Variants in INVS observed in about 807,000 individuals in gnomAD.
The protein encoded by INVS is inversion of embryo turning homolog.
In INVS, 86 loss-of-function variants were observed where a neutral mutation model predicts 108.8. The observed-to-expected ratio is 0.79, with a 90% CI of 0.66 to 0.95. The LOEUF is 0.95. Among genes scored for constraint, INVS ranks in the 40% least tolerant of loss-of-function variants. The pLI is 0.00. For synonymous variants in INVS, 455 were observed against 473.5 expected (o/e 0.96, Z 0.51); for missense variants, 1,169 against 1,297.4 (o/e 0.90, Z 1.52).
At chr9:100,253,345 T>C (rs1279525466) in intron 10 of INVS, among the ~76,000 whole-genome samples, 1 of 152,122 alleles carries the variant, frequency 6.6e-6, no homozygotes, top group Non-Finnish European at 1.5e-5. Context: ...CTGGGAATAA[T>C]TTTATAACTT....
chr9:100,293,419 A>G (rs1319692743), intron 14 of INVS, among the ~76,000 whole-genome samples: 2 of 152,212 alleles, frequency 1.3e-5, no homozygotes, highest in African/African-American at 4.8e-5. Flanking sequence ...ATTGTTGCAC[A>G]TGTCCTGTTA....
rs1409908327 is a variant in INVS, at chr9:100,191,441, A to G, written c.274-34621A>G. ...CAAAAGCTTTGTCTCCAAGCTCTGA[A>G]ATTTTTCTTCTACTAGTTCTAGTCT... On this transcript the variant is annotated intron_variant, in intron 3 of 16. Transcript: ENST00000262457. 2.6e-5 allele frequency among the ~76,000 whole-genome samples: 4 copies of G among 152,200 alleles called. No homozygotes were observed. The East Asian group carries it at 5.8e-4, about 22-fold the overall frequency.
At chr9:100,192,248 A>AGAGTGTGT (rs148598380) in intron 3 of INVS, among the ~76,000 whole-genome samples, 3 of 144,916 alleles carry the variant, frequency 2.1e-5, no homozygotes, top group African/African-American at 7.7e-5. Flanking sequence ...GGGAAAAAAG[A>AGAGTGTGT]GTGTGTGTGT....
At chr9:100,300,260 T>A (rs1280492234) in intron 16 of INVS, among the ~76,000 whole-genome samples, 1 of 152,196 alleles carries the variant, frequency 6.6e-6, no homozygotes, top group Non-Finnish European at 1.5e-5. Flanking sequence ...TTATGTAATG[T>A]GTTATGTGAG....
chr9:100,283,044 C>A (rs767620148), intron 12 of INVS, among the ~76,000 whole-genome samples: 2 of 152,200 alleles, frequency 1.3e-5, no homozygotes, highest in Admixed American at 6.5e-5. Flanking sequence ...CGCGGTGGCT[C>A]ACGCCTATAA....
chr9:100,235,303 G>A (rs922572185), intron 5 of INVS, among the ~76,000 whole-genome samples: 2 of 152,004 alleles, frequency 1.3e-5, no homozygotes, highest in African/African-American at 4.8e-5. Context: ...ACGCTGGTGG[G>A]TCTTGACTCT....
chr9:100,214,093 T>A (rs1222615893), intron 3 of INVS, among the ~76,000 whole-genome samples: 1 of 152,162 alleles, frequency 6.6e-6, no homozygotes, highest in East Asian at 1.9e-4. Flanking sequence ...CATACAGCAC[T>A]TACTTAACAA....
At chr9:100,110,716 G>A (rs1827316000) in intron 2 of INVS, among the ~76,000 whole-genome samples, 1 of 152,136 alleles carries the variant, frequency 6.6e-6, no homozygotes, top group Non-Finnish European at 1.5e-5. Flanking sequence ...ATATTTTTAA[G>A]TTGAGACATA....
At chr9:100,140,605 T>C (rs147775361) in intron 3 of INVS, among the ~76,000 whole-genome samples, 122 of 152,274 alleles carry the variant, frequency 8.0e-4, no homozygotes, top group African/African-American at 2.7e-3. Context: ...TGTCTTCTTA[T>C]ATTAATAAGA....
At chr9:100,117,483 G>A in intron 2 of INVS, 2 of 784,704 alleles carry the variant, frequency 2.5e-6, no homozygotes, top group East Asian at 2.4e-5. Context: ...TTGCCTTCTC[G>A]AGCTCCACGG....
rs532584714 is a variant in INVS, at chr9:100,301,246, G to C, written c.*572G>C. Among the ~76,000 whole-genome samples the C allele has an allele frequency of 5.3e-5, 8 of 151,782 alleles. No individual in the cohort carries two copies. The South Asian group carries it at 1.7e-3, about 32-fold the overall frequency. ...TTTTAGATCAGAATCATTGCCCACT[G>C]TTTTCATTTAGAAATTGTCCAAAAG... On this transcript the variant is annotated 3_prime_UTR_variant, in exon 17 of 17. Transcript: ENST00000262457.
Position 100,259,844 on chromosome 9 carries a change from C to T in INVS, c.1465-4978C>T, listed in dbSNP as rs538368003. On this transcript the variant is annotated intron_variant, in intron 10 of 16. Coordinates refer to ENST00000262457, the MANE Select transcript of INVS (RefSeq NM_014425.5). ...GGATTACAGGCATGAGCCACCACACCTGACCCTATTACATGATTTTCTTTT... is the reference window on the plus strand; with the variant it reads ...GGATTACAGGCATGAGCCACCACACTTGACCCTATTACATGATTTTCTTTT... Among the ~76,000 whole-genome samples the T allele has an allele frequency of 1.6e-4, 24 of 152,078 alleles. No homozygotes were observed. In the South Asian group the frequency reaches 4.8e-3, roughly 30 times the overall value.
intron 2 of INVS, among the ~76,000 whole-genome samples, chr9:100,112,063 C>G (rs1211483758): frequency 6.6e-6 from 1 of 152,154 alleles, no homozygotes; most frequent in Non-Finnish European, 1.5e-5. Flanking sequence ...TCTCTGCCTT[C>G]CGGGTTCAAG....
chr9:100,176,158 A>G (rs1251000682), intron 3 of INVS: 2 of 407,690 alleles, frequency 4.9e-6, no homozygotes, highest in Non-Finnish European at 9.4e-6. Context: ...TTTGGAAGCT[A>G]CATGTTCTGC....
chr9:100,169,609 T>C (rs1218547979), intron 3 of INVS, among the ~76,000 whole-genome samples: 1 of 152,212 alleles, frequency 6.6e-6, no homozygotes, highest in Non-Finnish European at 1.5e-5. Context: ...TGCATTGCTG[T>C]TGTCCAAAAG....
At chr9:100,273,701 G>T (rs1173364889) in intron 12 of INVS, among the ~76,000 whole-genome samples, 1 of 151,054 alleles carries the variant, frequency 6.6e-6, no homozygotes, top group East Asian at 2.0e-4. Context: ...CCACACCCGG[G>T]TAATTTTTGT....
intron 16 of INVS, among the ~76,000 whole-genome samples, chr9:100,298,885 AC>A (rs72131546): frequency 2.0e-5 from 3 of 152,150 alleles, no homozygotes; most frequent in Non-Finnish European, 2.9e-5. Context: ...AAACAAACAA[AC>A]AAAAAAACCC....
At chr9:100,213,838 C>G (rs941389616) in intron 3 of INVS, among the ~76,000 whole-genome samples, 2 of 152,152 alleles carry the variant, frequency 1.3e-5, no homozygotes, top group Non-Finnish European at 2.9e-5. Context: ...AAGACATTAC[C>G]TCATCTCTCC....
intron 1 of INVS, among the ~76,000 whole-genome samples, chr9:100,100,990 AT>A (rs1302739485): frequency 1.8e-4 from 15 of 82,236 alleles, no homozygotes; most frequent in African/African-American, 5.6e-4. Flanking sequence ...TATAATATAT[AT>A]GTATATATAA....
Sources: gnomAD v4.1 joint callset for allele counts (sites outside exome capture counted in the v4.1 genomes callset) on GRCh38, gnomAD v4.1.1 for gene constraint, MANE v1.5 for transcripts, NCBI Gene and HGNC (gene_info 2026-07-23, HGNC 2026-07-21) for gene names.